The following APC variants were observed in gnomAD, a reference collection of about 807,000 sequenced individuals.
APC encodes the protein APC regulator of Wnt signaling pathway, also known as adenomatous polyposis coli protein.
APC carries 72 observed loss-of-function variants against 247.0 expected under a neutral mutation model. That is an observed-to-expected ratio of 0.29 (90% CI 0.24 to 0.35). APC has a LOEUF of 0.35. Among genes scored for constraint, APC ranks in the 10% least tolerant of loss-of-function variants. The pLI, the probability that APC is intolerant of heterozygous loss-of-function variation, is 1.00. For synonymous variants in APC, 1,254 were observed against 1,162.5 expected (o/e 1.08, Z -1.60); for missense variants, 3,400 against 3,360.7 (o/e 1.01, Z -0.29).
chr5:112,830,589 TACAC>T (rs57320266), intron 14 of APC, among the ~76,000 whole-genome samples: 4,482 of 152,308 alleles, frequency 0.029, 228 homozygotes, highest in African/African-American at 0.1. Flanking sequence ...CACGAAGACT[TACAC>T]ACAAACATCC....
In APC at chr5:112,845,102, A is replaced by C. The variant is rs1049588246; in HGVS notation, c.*976A>C. 7.3e-5 allele frequency: 17 copies of C among 232,516 alleles called. No homozygotes were observed. The highest frequency in any genetic ancestry group is 2.6e-4 in the African/African-American group (12 of 45,434). 14.4% of individuals were successfully genotyped at this position (232,516 alleles called of 1,614,324 possible). A position where few individuals can be genotyped will look rare whatever the true frequency, so the allele number is the denominator to read the frequency against. Reference sequence around the variant, plus strand: ...TCTTCAGCTTCTATGCATTAAGAGTAAAATTCCTCTTACTGTAATAAAAAC... The same window carrying C: ...TCTTCAGCTTCTATGCATTAAGAGTCAAATTCCTCTTACTGTAATAAAAAC... On this transcript the variant is annotated 3_prime_UTR_variant, in exon 16 of 16. Coordinates refer to ENST00000257430, the MANE Select transcript of APC (RefSeq NM_000038.6).
intron 8 of APC, among the ~76,000 whole-genome samples, chr5:112,811,090 G>A (rs1315110897): frequency 6.6e-6 from 1 of 152,124 alleles, no homozygotes; most frequent in Non-Finnish European, 1.5e-5. Flanking sequence ...AATAAAAGGA[G>A]CATGAAGTAA....
intron 2 of APC, among the ~76,000 whole-genome samples, chr5:112,759,055 C>G (rs1489257089): frequency 2.6e-5 from 4 of 151,968 alleles, no homozygotes; most frequent in Non-Finnish European, 5.9e-5. Context: ...TGTAGTTTGA[C>G]AAAATTTAAT....
At position 112,843,253 on chromosome 5, in the gene APC, A is replaced by G; in HGVS notation, c.7659A>G (p.Lys2553=). The part of the protein sequence containing the change: ...RSGTWKREHS[K]HSSSLPRVST... ...GAACCTGGAAACGTGAGCACAGCAA[A>G]CATTCATCATCCCTTCCTCGAGTAA... is the stretch of plus-strand genomic sequence containing the variant. The change falls in exon 16 of 16, where the codon AAA becomes AAG. Residue 2553 remains lysine (K), a synonymous_variant. Coordinates refer to ENST00000257430, the MANE Select transcript of APC (RefSeq NM_000038.6). This position sits in a 1 kb window ranked among gnomAD's most constrained non-coding sequence, Gnocchi z 4.8. 6.2e-7 allele frequency: 1 copy of G among 1,613,844 alleles called. No homozygotes were observed. The highest frequency in any genetic ancestry group is 1.1e-5 in the South Asian group (1 of 91,082).
intron 4 of APC, among the ~76,000 whole-genome samples, chr5:112,770,270 T>A (rs941647621): frequency 6.6e-6 from 1 of 152,176 alleles, no homozygotes; most frequent in African/African-American, 2.4e-5. Flanking sequence ...TGCATCTAAA[T>A]CTAGGAAAAG....
At chr5:112,825,001 C>A (rs1002990490) in intron 11 of APC, among the ~76,000 whole-genome samples, 4 of 152,170 alleles carry the variant, frequency 2.6e-5, no homozygotes, top group Admixed American at 6.5e-5. Context: ...TGACATCTTC[C>A]CTTAGGTGGT....
Position 112,843,524 on chromosome 5 carries a change from A to C in APC, c.7930A>C (p.Ile2644Leu). ...ATNGAESKTL[I>L]YQMAPAVSKT... The stretch of plus-strand genomic sequence containing the variant: ...AAATGGTGCTGAATCAAAGACTCTA[A>C]TTTATCAAATGGCACCTGCTGTTTC... The change falls in exon 16 of 16, where the codon ATT becomes CTT. Residue 2644 changes from isoleucine to leucine, a missense_variant. Around this residue, in one of 9 missense-constraint regions of APC, gnomAD observed 1,788 missense variants for 1,649.5 expected, o/e 1.08. Transcript: ENST00000257430. The surrounding 1 kb of genome is among the most constrained non-coding windows in gnomAD (Gnocchi z 4.8). The C allele has an allele frequency of 6.2e-7, 1 of 1,613,764 alleles. No individual in the cohort carries two copies.
rs79163044 is a variant in APC at position 112,818,843 on chromosome 5, T to G, written c.934-123T>G. 1 of 910,654 alleles carries G rather than the reference T, an allele frequency of 1.1e-6. No individual in the cohort carries two copies. Among genetic ancestry groups the G allele is most frequent in the Non-Finnish European group, 1.6e-6 (1 of 611,496 alleles). 56.4% of individuals were successfully genotyped at this position (910,654 alleles called of 1,614,324 possible). On this transcript the variant is annotated intron_variant, in intron 9 of 15. Coordinates refer to ENST00000257430, the MANE Select transcript of APC (RefSeq NM_000038.6). ...GGTTTTCCGGTTTTTTGTTTTTTTT[T>G]TGGCGGGGGGGGTTGTTTTGTTTTT... is the stretch of plus-strand genomic sequence containing the variant.
At position 112,839,389 on chromosome 5, in the gene APC, A is replaced by G. The variant is rs1554085311; in HGVS notation, c.3795A>G (p.Glu1265=). 8 of 1,614,160 alleles carry G rather than the reference A, an allele frequency of 5.0e-6. 1 individual carries two copies. The Middle Eastern group carries it at 1.3e-3, about 266-fold the overall frequency. The part of the protein sequence containing the change: ...NQETIQTYCV[E]DTPICFSRCS... ...AAACAATACAGACTTATTGTGTAGA[A>G]GATACTCCAATATGTTTTTCAAGAT... Residue 1265 remains glutamate, a synonymous_variant, in exon 16 of 16, where the codon GAA becomes GAG. Transcript: ENST00000257430. This position sits in a 1 kb window ranked among gnomAD's most constrained non-coding sequence, Gnocchi z 5.0.
chr5:112,825,588 A>T (rs999703184), intron 11 of APC, among the ~76,000 whole-genome samples: 1 of 152,148 alleles, frequency 6.6e-6, no homozygotes, highest in African/African-American at 2.4e-5. Flanking sequence ...CTGATGGCTC[A>T]TGCCTGTAAT....
chr5:112,733,115 A>C (rs1752178494), upstream of APC, among the ~76,000 whole-genome samples: 1 of 152,260 alleles, frequency 6.6e-6, no homozygotes, highest in Non-Finnish European at 1.5e-5. Context: ...ATCTCAGTAG[A>C]GTAGCGAAGA....
Position 112,836,165 on chromosome 5 carries a change from T to TTCCCCCCCC in APC, c.1958+1000_1958+1001insTCCCCCCCC, listed in dbSNP as rs1554083526. Among the ~76,000 whole-genome samples the TTCCCCCCCC allele has an allele frequency of 7.6e-3, 187 of 24,486 alleles. 22 individuals carry two copies. Among genetic ancestry groups the TTCCCCCCCC allele is most frequent in the East Asian group, 0.025 (7 of 280 alleles). The allele number at this position is 24,486 out of a possible 152,430, so 16.1% of individuals were successfully genotyped here. A position where few individuals can be genotyped will look rare whatever the true frequency, so the allele number is the denominator to read the frequency against. ...CCTCCCGAGTAGCTGGGATTACAGG[T>TTCCCCCCCC]CCCCCCCCCCCCCCGCCACCGTGCC... On this transcript the variant is annotated intron_variant, in intron 15 of 15. Transcript: ENST00000257430.
chr5:112,738,581 T>A, intron 1 of APC: 2 of 793,608 alleles, frequency 2.5e-6, no homozygotes, highest in Non-Finnish European at 3.1e-6. Context: ...GATACCAGTG[T>A]CTTTGTTAGT....
In APC at chr5:112,748,329, A is replaced by T. The variant is rs186190601; in HGVS notation, c.-18-6544A>T. Among the ~76,000 whole-genome samples, 605 of 152,298 alleles carry T rather than the reference A, an allele frequency of 4.0e-3. 6 individuals carry two copies. The highest frequency in any genetic ancestry group is 0.014 in the African/African-American group (584 of 41,562). The stretch of plus-strand genomic sequence containing the variant: ...GTTGTTAAAGAGAAAATTAAAATGG[A>T]TGAGGTGAATTCTGCTTGGAATTTA... On this transcript the variant is annotated intron_variant, in intron 1 of 15. Transcript: ENST00000257430.
rs372760751 is a variant in APC, at chr5:112,833,665, G to A, written c.1744-1286G>A. On this transcript the variant is annotated intron_variant, in intron 14 of 15. Coordinates refer to ENST00000257430, the MANE Select transcript of APC (RefSeq NM_000038.6). ...CAAATACCTTTAATTGTGTATCAGA[G>A]TGTTTCTGTGGCCATTACAATTTGA... 2.4e-4 allele frequency among the ~76,000 whole-genome samples: 37 copies of A among 152,226 alleles called. 2 individuals are homozygous for A. Among genetic ancestry groups the A allele is most frequent in the African/African-American group, 7.9e-4 (33 of 41,534 alleles).
chr5:112,762,296 C>T (rs2149767868), intron 2 of APC, among the ~76,000 whole-genome samples: 1 of 152,282 alleles, frequency 6.6e-6, no homozygotes, highest in East Asian at 1.9e-4. Context: ...TGGCAGTTTC[C>T]TTTAAAATTA....
intron 6 of APC, among the ~76,000 whole-genome samples, chr5:112,784,353 C>G (rs1758713404): frequency 6.6e-6 from 1 of 152,216 alleles, no homozygotes; most frequent in Non-Finnish European, 1.5e-5. Flanking sequence ...CAGGCATGAG[C>G]CACTGCACCC....
At chr5:112,786,910 C>G (rs143526292) in intron 6 of APC, among the ~76,000 whole-genome samples, 1,029 of 47,898 alleles carry the variant, frequency 0.021, 18 homozygotes, top group Admixed American at 0.052. Flanking sequence ...TTTTTTGAGT[C>G]AGAGTCTTAC....
At chr5:112,779,153 A>C (rs1758049807) in intron 5 of APC, among the ~76,000 whole-genome samples, 1 of 152,204 alleles carries the variant, frequency 6.6e-6, no homozygotes, top group Non-Finnish European at 1.5e-5. Flanking sequence ...CCTGGGAATT[A>C]AGGAGCACAG....
Sources: gnomAD v4.1 joint callset for allele counts (sites outside exome capture counted in the v4.1 genomes callset) on GRCh38, gnomAD v4.1.1 for gene constraint, gnomAD v4.1.1 regional missense constraint, Gnocchi (gnomAD v3.1) non-coding constraint, MANE v1.5 for transcripts, NCBI Gene and HGNC (gene_info 2026-07-23, HGNC 2026-07-21) for gene names.